The following TENM3 variants were observed in gnomAD, a reference collection of about 807,000 sequenced individuals.
TENM3 encodes teneurin transmembrane protein 3, also known as teneurin-3.
In TENM3, 63 loss-of-function variants were observed where a neutral mutation model predicts 255.1. The ratio of observed to expected loss-of-function variants is 0.25; its 90% CI spans 0.20 to 0.30. The LOEUF (loss-of-function observed/expected upper bound fraction) is 0.30. Ranked by LOEUF, TENM3 falls within the 10% of genes least tolerant of loss-of-function variation. TENM3 has a pLI of 1.00. For missense variants in TENM3, 2,929 were observed against 3,461.1 expected (o/e 0.85, Z 3.86); for synonymous variants, 1,306 against 1,322.3 (o/e 0.99, Z 0.27).
intron 3 of TENM3, among the ~76,000 whole-genome samples, chr4:182,455,525 T>C (rs1229052577): frequency 2.0e-5 from 3 of 150,136 alleles, no homozygotes; most frequent in Admixed American, 6.7e-5. Context: ...TCTCACAGAG[T>C]TTCCAAGAGC....
At chr4:182,458,151 A>G (rs1774019511) in intron 3 of TENM3, among the ~76,000 whole-genome samples, 1 of 152,132 alleles carries the variant, frequency 6.6e-6, no homozygotes, top group Non-Finnish European at 1.5e-5. Flanking sequence ...ATGAGGTGTG[A>G]TCATCTATGG....
chr4:181,859,446 C>CA, the TENM3 span, among the ~76,000 whole-genome samples: 1 of 151,820 alleles, frequency 6.6e-6, no homozygotes, highest in African/African-American at 2.4e-5. Context: ...AAGGAAACAG[C>CA]AAAAAAGTAG....
At chr4:182,528,371 C>T (rs540924396) in intron 3 of TENM3, among the ~76,000 whole-genome samples, 3 of 152,164 alleles carry the variant, frequency 2.0e-5, no homozygotes, top group East Asian at 1.9e-4. Context: ...TTCTCTGTGG[C>T]GCAGGGGTTT....
At chr4:181,673,017 T>C in the TENM3 span, among the ~76,000 whole-genome samples, 1 of 152,112 alleles carries the variant, frequency 6.6e-6, no homozygotes, top group African/African-American at 2.4e-5. Flanking sequence ...GGTCTTCATA[T>C]CACAGATAAG....
At chr4:181,986,594 T>C in the TENM3 span, among the ~76,000 whole-genome samples, 1 of 152,072 alleles carries the variant, frequency 6.6e-6, no homozygotes, top group South Asian at 2.1e-4. Context: ...TGCTCATACC[T>C]ATAGCGTTGT....
chr4:182,665,232 A>G (rs1259446880), intron 6 of TENM3, among the ~76,000 whole-genome samples: 1 of 152,142 alleles, frequency 6.6e-6, no homozygotes, highest in South Asian at 2.1e-4. Context: ...TGCTAATTCT[A>G]CTCTGCCTGT....
At chr4:181,595,446 A>AAAAAAAAAAAAACAG in the TENM3 span, among the ~76,000 whole-genome samples, 3 of 145,464 alleles carry the variant, frequency 2.1e-5, no homozygotes, top group Non-Finnish European at 4.5e-5. Flanking sequence ...AAAAAAAAAA[A>AAAAAAAAAAAAACAG]AAAAAAAACA....
chr4:182,001,188 G>A, the TENM3 span, among the ~76,000 whole-genome samples: 2 of 151,508 alleles, frequency 1.3e-5, no homozygotes, highest in Admixed American at 1.3e-4. Context: ...TCAGCATTAG[G>A]TAGTTCAAAT....
intron 3 of TENM3, among the ~76,000 whole-genome samples, chr4:182,408,116 G>A (rs1318258318): frequency 6.6e-6 from 1 of 152,146 alleles, no homozygotes; most frequent in Non-Finnish European, 1.5e-5. Context: ...AGGCACATAG[G>A]ACCATAATCT....
chr4:181,544,771 A>G, the TENM3 span, among the ~76,000 whole-genome samples: 1 of 152,218 alleles, frequency 6.6e-6, no homozygotes, highest in African/African-American at 2.4e-5. Context: ...TTCATAAACT[A>G]TGGACCACAT....
At chr4:181,845,066 G>T in the TENM3 span, among the ~76,000 whole-genome samples, 1 of 152,052 alleles carries the variant, frequency 6.6e-6, no homozygotes, top group Non-Finnish European at 1.5e-5. Flanking sequence ...AAGTATTGGG[G>T]ATCAATAAGT....
At chr4:182,624,766 A>C (rs1225179809) in intron 4 of TENM3, among the ~76,000 whole-genome samples, 4 of 152,206 alleles carry the variant, frequency 2.6e-5, no homozygotes, top group Non-Finnish European at 5.9e-5. Flanking sequence ...ATGAAATAAA[A>C]CTAGAATGAG....
the TENM3 span, among the ~76,000 whole-genome samples, chr4:181,749,597 CA>C: frequency 6.6e-6 from 1 of 152,130 alleles, no homozygotes; most frequent in Non-Finnish European, 1.5e-5. Context: ...CTCTGGCTAG[CA>C]GTGTTTCAAA....
chr4:182,307,243 G>T (rs1762187104), intron 1 of TENM3, among the ~76,000 whole-genome samples: 1 of 152,202 alleles, frequency 6.6e-6, no homozygotes, highest in Non-Finnish European at 1.5e-5. Context: ...ACTACTTGGT[G>T]ACCCACAGGA....
intron 4 of TENM3, among the ~76,000 whole-genome samples, chr4:182,607,890 ATTAC>A (rs1298299549): frequency 2.0e-5 from 3 of 152,314 alleles, no homozygotes; most frequent in East Asian, 3.9e-4. Context: ...TGAATTGTTA[ATTAC>A]TTCTAACACA....
At chr4:181,905,490 A>G in the TENM3 span, among the ~76,000 whole-genome samples, 2 of 151,440 alleles carry the variant, frequency 1.3e-5, no homozygotes, top group Admixed American at 6.6e-5. Context: ...CATGATAAGG[A>G]TAGTAACAAA....
chr4:181,856,030 AAAGG>A, the TENM3 span, among the ~76,000 whole-genome samples: 30 of 36,928 alleles, frequency 8.1e-4, no homozygotes, highest in Non-Finnish European at 1.7e-3. Context: ...AGAAGGAAGG[AAAGG>A]AAGAAGGAAG....
the TENM3 span, among the ~76,000 whole-genome samples, chr4:181,761,298 A>C: frequency 6.6e-6 from 1 of 152,098 alleles, no homozygotes; most frequent in African/African-American, 2.4e-5. Flanking sequence ...CATCTCTCAT[A>C]ACTGCCGTAT....
chr4:182,130,986 T>C, the TENM3 span, among the ~76,000 whole-genome samples: 6 of 152,148 alleles, frequency 3.9e-5, no homozygotes, highest in Non-Finnish European at 8.8e-5. Flanking sequence ...TGACATGAAA[T>C]TGTTATTTGA....
Sources: allele counts gnomAD v4.1 joint callset (sites outside exome capture counted in the v4.1 genomes callset), GRCh38; gene constraint gnomAD v4.1.1; transcripts MANE v1.5; gene names NCBI Gene and HGNC (gene_info 2026-07-23, HGNC 2026-07-21).